MACROD2: variants seen among roughly 807,000 people sequenced by gnomAD.
The protein encoded by MACROD2 is mono-ADP ribosylhydrolase 2, also known as ADP-ribose glycohydrolase MACROD2.
A neutral mutation model predicts 70.4 loss-of-function variants in MACROD2; 36 were observed. The observed-to-expected ratio is 0.51, with a 90% CI of 0.39 to 0.68. MACROD2 has a LOEUF of 0.68. MACROD2 is among the 30% of genes least tolerant of loss of function. The probability of loss-of-function intolerance (pLI) is 0.00; values close to 1 mark genes in which losing one functional copy is unlikely to be tolerated. For missense variants in MACROD2, 496 were observed against 538.4 expected, an observed-to-expected ratio of 0.92 and a Z score of 0.78; for synonymous variants, 172 against 178.8, an observed-to-expected ratio of 0.96 and a Z score of 0.30.
chr20:14,840,976 C>T (rs972544371), intron 5 of MACROD2, among the ~76,000 whole-genome samples: 13 of 151,966 alleles, frequency 8.6e-5, no homozygotes, highest in South Asian at 4.1e-4. Context: ...TGACGTGAAA[C>T]GAGTGTTATT....
At chr20:15,702,332 T>G (rs191555167) in intron 8 of MACROD2, among the ~76,000 whole-genome samples, 1 of 152,338 alleles carries the variant, frequency 6.6e-6, no homozygotes, top group East Asian at 1.9e-4. Flanking sequence ...CACTTGTTAT[T>G]TTTTTAAGTT....
chr20:15,444,714 T>C (rs2046539026), intron 7 of MACROD2, among the ~76,000 whole-genome samples: 1 of 152,110 alleles, frequency 6.6e-6, no homozygotes. Flanking sequence ...TCTTATTAGC[T>C]GTGTGGCCTC....
At chr20:15,159,925 G>A (rs974629282) in intron 5 of MACROD2, among the ~76,000 whole-genome samples, 3 of 152,086 alleles carry the variant, frequency 2.0e-5, no homozygotes, top group Non-Finnish European at 4.4e-5. Flanking sequence ...GGAAAATACT[G>A]AGGAAGGAGA....
At chr20:15,739,939 A>G (rs973090710) in intron 8 of MACROD2, among the ~76,000 whole-genome samples, 2 of 152,240 alleles carry the variant, frequency 1.3e-5, no homozygotes, top group Non-Finnish European at 2.9e-5. Context: ...ATATTGTCTG[A>G]CACATGGGAA....
intron 2 of MACROD2, among the ~76,000 whole-genome samples, chr20:14,068,273 C>G (rs6079280): frequency 0.51 from 77,146 of 150,866 alleles, 21,624 homozygotes; most frequent in Non-Finnish European, 0.63. Context: ...CCCCCCACCC[C>G]CCCTGTGCTC....
chr20:15,773,625 T>A (rs2051673372), intron 8 of MACROD2, among the ~76,000 whole-genome samples: 1 of 152,140 alleles, frequency 6.6e-6, no homozygotes, highest in African/African-American at 2.4e-5. Context: ...AATGGAACCG[T>A]GCAGCATTTC....
intron 3 of MACROD2, among the ~76,000 whole-genome samples, chr20:14,347,960 A>G (rs1479377922): frequency 1.3e-5 from 2 of 152,140 alleles, no homozygotes; most frequent in Non-Finnish European, 2.9e-5. Flanking sequence ...ATATGAAACC[A>G]GAACAAATGT....
intron 6 of MACROD2, among the ~76,000 whole-genome samples, chr20:15,392,326 T>TA (rs1203119688): frequency 6.6e-6 from 1 of 152,342 alleles, no homozygotes; most frequent in Non-Finnish European, 1.5e-5. Flanking sequence ...TAATAGGTGA[T>TA]ATTAATATTC....
intron 5 of MACROD2, among the ~76,000 whole-genome samples, chr20:15,063,768 C>G (rs981012026): frequency 6.6e-6 from 1 of 152,078 alleles, no homozygotes; most frequent in Non-Finnish European, 1.5e-5. Context: ...CTAACTATTC[C>G]CCTTTGGCCA....
chr20:14,343,498 C>T (rs1437538860), intron 3 of MACROD2, among the ~76,000 whole-genome samples: 1 of 152,102 alleles, frequency 6.6e-6, no homozygotes, highest in East Asian at 1.9e-4. Flanking sequence ...GAGTTGAAAC[C>T]TGGGGATAGT....
At chr20:14,476,769 A>C (rs2084600206) in intron 3 of MACROD2, among the ~76,000 whole-genome samples, 1 of 152,238 alleles carries the variant, frequency 6.6e-6, no homozygotes, top group Non-Finnish European at 1.5e-5. Flanking sequence ...ATGAGGAACA[A>C]AAATAGAGTG....
intron 3 of MACROD2, among the ~76,000 whole-genome samples, chr20:14,262,276 A>C (rs1202807509): frequency 6.6e-6 from 1 of 152,196 alleles, no homozygotes; most frequent in African/African-American, 2.4e-5. Flanking sequence ...GAGAATCTAC[A>C]TGATGTGGTA....
chr20:15,526,747 G>A (rs2047727029), intron 8 of MACROD2, among the ~76,000 whole-genome samples: 1 of 152,166 alleles, frequency 6.6e-6, no homozygotes, highest in South Asian at 2.1e-4. Flanking sequence ...GCCTGTGGTA[G>A]TTGACACTTC....
chr20:14,835,759 A>G (rs1456814214), intron 5 of MACROD2, among the ~76,000 whole-genome samples: 1 of 152,012 alleles, frequency 6.6e-6, no homozygotes, highest in Non-Finnish European at 1.5e-5. Context: ...AACTGTGGCC[A>G]TTTCAATTCC....
chr20:15,795,842 T>G (rs1483982636), intron 8 of MACROD2, among the ~76,000 whole-genome samples: 1 of 152,196 alleles, frequency 6.6e-6, no homozygotes, highest in African/African-American at 2.4e-5. Flanking sequence ...TTCTACTGTA[T>G]GCACACATTT....
At chr20:15,966,012 C>T (rs1013931431) in intron 12 of MACROD2, among the ~76,000 whole-genome samples, 1 of 152,078 alleles carries the variant, frequency 6.6e-6, no homozygotes, top group African/African-American at 2.4e-5. Flanking sequence ...TGTTAACTAC[C>T]CAGGTTTCTC....
chr20:15,358,526 T>C (rs1377325177), intron 6 of MACROD2, among the ~76,000 whole-genome samples: 1 of 152,188 alleles, frequency 6.6e-6, no homozygotes, highest in Non-Finnish European at 1.5e-5. Flanking sequence ...CCAAATTTAA[T>C]GGCCAATAAG....
chr20:15,165,372 C>T (rs1437977422), intron 5 of MACROD2, among the ~76,000 whole-genome samples: 2 of 152,184 alleles, frequency 1.3e-5, no homozygotes, highest in Non-Finnish European at 2.9e-5. Context: ...AGGAGAATGG[C>T]TTGAACCTGG....
At chr20:14,213,307 A>G (rs942939726) in intron 3 of MACROD2, among the ~76,000 whole-genome samples, 3 of 142,002 alleles carry the variant, frequency 2.1e-5, no homozygotes, top group Non-Finnish European at 4.5e-5. Flanking sequence ...CCATGCCATA[A>G]TACTATAGAA....
Sources: gnomAD v4.1 joint callset for allele counts (sites outside exome capture counted in the v4.1 genomes callset) on GRCh38, gnomAD v4.1.1 for gene constraint, MANE v1.5 for transcripts, NCBI Gene and HGNC (gene_info 2026-07-23, HGNC 2026-07-21) for gene names.